The following MKLN1 variants were observed in gnomAD, a reference collection of about 807,000 sequenced individuals.
MKLN1 encodes muskelin.
Under a neutral mutation model 99.0 loss-of-function variants are expected in MKLN1, and 18 were observed. That is an observed-to-expected ratio of 0.18 (90% CI 0.13 to 0.27). The LOEUF (loss-of-function observed/expected upper bound fraction) is 0.27, where lower values mean the gene tolerates loss of function less well. Among genes scored for constraint, MKLN1 ranks in the 10% least tolerant of loss-of-function variants. The probability of loss-of-function intolerance (pLI) is 1.00; values close to 1 mark genes in which losing one functional copy is unlikely to be tolerated. For missense variants in MKLN1, 621 were observed against 875.9 expected (o/e 0.71, Z 3.67); for synonymous variants, 288 against 293.2 (o/e 0.98, Z 0.18).
At chr7:131,374,342 G>A (rs1793569267) in intron 1 of MKLN1, among the ~76,000 whole-genome samples, 1 of 151,818 alleles carries the variant, frequency 6.6e-6, no homozygotes, top group Non-Finnish European at 1.5e-5. Context: ...CCCCCTCAGT[G>A]GACAGAATTA....
At chr7:131,304,018 G>T (rs996719021) in intron 3 of MKLN1, among the ~76,000 whole-genome samples, 7 of 152,172 alleles carry the variant, frequency 4.6e-5, no homozygotes, top group African/African-American at 1.7e-4. Flanking sequence ...AATATTTCTT[G>T]AGTGCCTACT....
At chr7:131,334,352 A>AC (rs1799189061) in intron 1 of MKLN1, among the ~76,000 whole-genome samples, 1 of 152,148 alleles carries the variant, frequency 6.6e-6, no homozygotes, top group East Asian at 1.9e-4. Context: ...CCTGTTTGGG[A>AC]ACCTTACTGG....
At chr7:131,380,927 A>G (rs1022664409) in intron 2 of MKLN1, among the ~76,000 whole-genome samples, 5 of 152,202 alleles carry the variant, frequency 3.3e-5, no homozygotes, top group African/African-American at 1.2e-4. Context: ...GTGATTTAGC[A>G]AATACTGAAC....
chr7:131,149,752 T>G (rs1795863062), intron 2 of MKLN1, among the ~76,000 whole-genome samples: 1 of 152,358 alleles, frequency 6.6e-6, no homozygotes, highest in South Asian at 2.1e-4. Context: ...TTCAAACATG[T>G]AATTTACTAC....
At chr7:131,482,990 C>T (rs1797168036) in intron 17 of MKLN1, among the ~76,000 whole-genome samples, 1 of 152,208 alleles carries the variant, frequency 6.6e-6, no homozygotes, top group Non-Finnish European at 1.5e-5. Context: ...GATTAAAACC[C>T]TGTCAGTATG....
intron 3 of MKLN1, among the ~76,000 whole-genome samples, chr7:131,387,687 A>G (rs1233392444): frequency 4.6e-5 from 7 of 152,212 alleles, no homozygotes; most frequent in Non-Finnish European, 7.3e-5. Context: ...GACTAGAAAG[A>G]GGAATGTTTT....
At chr7:131,411,256 TAATG>T (rs952776313) in intron 6 of MKLN1, 46 bp from the exon 7 acceptor site, 53 of 1,114,814 alleles carry the variant, frequency 4.8e-5, no homozygotes, top group Non-Finnish European at 6.8e-5. Flanking sequence ...CTATAATAAA[TAATG>T]TAAGTAGTTA....
At chr7:131,152,419 T>C (rs534762117) in intron 2 of MKLN1, among the ~76,000 whole-genome samples, 4 of 152,322 alleles carry the variant, frequency 2.6e-5, no homozygotes, top group African/African-American at 9.6e-5. Context: ...TTTTTAGTAG[T>C]ATGAAATATT....
At chr7:131,299,212 CAAT>C (rs1381488918) in intron 3 of MKLN1, among the ~76,000 whole-genome samples, 1 of 152,128 alleles carries the variant, frequency 6.6e-6, no homozygotes, top group Non-Finnish European at 1.5e-5. Context: ...TCTGTAATTA[CAAT>C]AATAATCATG....
chr7:131,257,572 T>C (rs576659255), intron 3 of MKLN1, among the ~76,000 whole-genome samples: 53 of 152,262 alleles, frequency 3.5e-4, no homozygotes, highest in Admixed American at 1.2e-3. Flanking sequence ...AATCTTGCAA[T>C]TTTATCACAC....
rs1225483865 is a variant in MKLN1, at chr7:131,478,573, T to C, written c.2032-50T>C. 3.4e-6 allele frequency: 5 copies of C among 1,479,590 alleles called. No individual in the cohort carries two copies. In the African/African-American group the frequency reaches 5.7e-5, roughly 17 times the overall value. 91.7% of individuals were successfully genotyped at this position (1,479,590 alleles called of 1,614,324 possible). ...AGAAGGCTATTTTCCTTCAGTGCAC[T>C]TAGCCAGCTAATTTGCTGCTTCTTT... On this transcript the variant is annotated intron_variant, in intron 16 of 17. Coordinates refer to ENST00000352689, the MANE Select transcript of MKLN1 (RefSeq NM_013255.5).
At chr7:131,455,849 C>T (rs1266774037) in intron 12 of MKLN1, among the ~76,000 whole-genome samples, 2 of 152,118 alleles carry the variant, frequency 1.3e-5, no homozygotes, top group East Asian at 1.9e-4. Context: ...AGTTCAAGAT[C>T]AGCCTGGCCA....
At chr7:131,460,642 T>C (rs1433118010) in intron 12 of MKLN1, among the ~76,000 whole-genome samples, 1 of 152,220 alleles carries the variant, frequency 6.6e-6, no homozygotes, top group Non-Finnish European at 1.5e-5. Context: ...CGATGACTTA[T>C]TTGGAAGTTT....
intron 2 of MKLN1, among the ~76,000 whole-genome samples, chr7:131,190,859 A>G (rs901108230): frequency 2.0e-5 from 3 of 152,210 alleles, no homozygotes; most frequent in African/African-American, 4.8e-5. Context: ...AGACCAGGAC[A>G]TGGGGAGTTC....
At chr7:131,162,808 T>G (rs1796074554) in intron 2 of MKLN1, among the ~76,000 whole-genome samples, 1 of 152,228 alleles carries the variant, frequency 6.6e-6, no homozygotes, top group Non-Finnish European at 1.5e-5. Flanking sequence ...CATGAACATT[T>G]TTTACATGTT....
intron 2 of MKLN1, among the ~76,000 whole-genome samples, chr7:131,179,169 A>G (rs573922449): frequency 6.6e-6 from 1 of 152,348 alleles, no homozygotes; most frequent in South Asian, 2.1e-4. Flanking sequence ...TACTAGTGAA[A>G]TAATAAATAA....
At chr7:131,169,049 G>A (rs1301730283) in intron 2 of MKLN1, among the ~76,000 whole-genome samples, 2 of 152,068 alleles carry the variant, frequency 1.3e-5, no homozygotes, top group East Asian at 3.9e-4. Context: ...TGTATTTTTA[G>A]TAAGACGGGT....
intron 1 of MKLN1, among the ~76,000 whole-genome samples, chr7:131,115,187 A>C (rs1360817894): frequency 2.0e-5 from 3 of 152,202 alleles, no homozygotes. Flanking sequence ...TGCAAGCTTA[A>C]GGCTGCACAA....
rs187262714 is a variant in MKLN1 at position 131,319,014 on chromosome 7, G to T, written c.-178-56410G>T. On this transcript the variant is annotated intron_variant, in intron 3 of 7. Coordinates refer to the MKLN1 transcript ENST00000416992. ...GACTGACAGCCGAATTCTACCAGAG[G>T]TACAAAGAGGAGCTGGTACCATTCC... 4.6e-5 allele frequency among the ~76,000 whole-genome samples: 7 copies of T among 152,240 alleles called. No individual in the cohort carries two copies. In the East Asian group the frequency reaches 1.4e-3, roughly 29 times the overall value.
Sources: allele counts gnomAD v4.1 joint callset (sites outside exome capture counted in the v4.1 genomes callset), GRCh38; gene constraint gnomAD v4.1.1; transcripts MANE v1.5; gene names NCBI Gene and HGNC (gene_info 2026-07-23, HGNC 2026-07-21).